The following SAMD5 variants were observed in gnomAD, a reference collection of about 807,000 sequenced individuals.
SAMD5 encodes the protein sterile alpha motif domain containing 5.
A neutral mutation model predicts 11.3 loss-of-function variants in SAMD5; 13 were observed. The ratio of observed to expected loss-of-function variants is 1.15; its 90% CI spans 0.75 to 1.83. The LOEUF is 1.83. SAMD5 is among the 40% of genes most tolerant of loss of function. The probability of loss-of-function intolerance (pLI) is 0.00; values close to 1 mark genes in which losing one functional copy is unlikely to be tolerated. For synonymous variants in SAMD5, 129 were observed against 111.3 expected, an observed-to-expected ratio of 1.16 and a Z score of -1.00; for missense variants, 255 against 239.1, an observed-to-expected ratio of 1.07 and a Z score of -0.44.
At chr6:147,572,711 A>C (rs888933473), downstream of SAMD5, among the ~76,000 whole-genome samples, 3 of 152,234 alleles carry the variant, frequency 2.0e-5, no homozygotes, top group African/African-American at 4.8e-5. Context: ...CTGCAATTAT[A>C]GCTAATCAAA....
At chr6:147,852,821 C>T in the SAMD5 span, among the ~76,000 whole-genome samples, 2 of 152,164 alleles carry the variant, frequency 1.3e-5, no homozygotes, top group South Asian at 2.1e-4. Flanking sequence ...TGGCTCTTTT[C>T]TGTTGCCTCT....
At chr6:147,776,834 C>T in the SAMD5 span, among the ~76,000 whole-genome samples, 1 of 152,194 alleles carries the variant, frequency 6.6e-6, no homozygotes, top group East Asian at 1.9e-4. Context: ...AGGTAATGGT[C>T]TCTCCCAGCG....
chr6:147,786,607 CA>C, the SAMD5 span, among the ~76,000 whole-genome samples: 1 of 152,178 alleles, frequency 6.6e-6, no homozygotes, highest in African/African-American at 2.4e-5. Flanking sequence ...ACTTAAAGGA[CA>C]GGGGCTGATG....
chr6:147,695,088 C>T (rs553611425), intron 1 of SAMD5, among the ~76,000 whole-genome samples: 3 of 152,290 alleles, frequency 2.0e-5, no homozygotes, highest in Admixed American at 2.0e-4. Context: ...GGTATTTTCT[C>T]TCCTTCAGGT....
chr6:147,802,942 T>C, the SAMD5 span, among the ~76,000 whole-genome samples: 5 of 152,258 alleles, frequency 3.3e-5, no homozygotes, highest in Non-Finnish European at 7.3e-5. Flanking sequence ...GGGGTGTTTA[T>C]GTGTTGACTG....
the SAMD5 span, among the ~76,000 whole-genome samples, chr6:147,762,242 G>A: frequency 3.6e-3 from 541 of 152,214 alleles, 2 homozygotes; most frequent in Non-Finnish European, 5.1e-3. Flanking sequence ...GTCTCACTCT[G>A]TCACCCAAGC....
intron 1 of SAMD5, among the ~76,000 whole-genome samples, chr6:147,725,613 T>C (rs1216257140): frequency 6.6e-6 from 1 of 152,222 alleles, no homozygotes; most frequent in African/African-American, 2.4e-5. Context: ...GGTCTCGAAC[T>C]CCTGACCTCA....
At chr6:147,866,840 A>C in the SAMD5 span, among the ~76,000 whole-genome samples, 1 of 152,214 alleles carries the variant, frequency 6.6e-6, no homozygotes, top group Non-Finnish European at 1.5e-5. Context: ...AGAGAAGGGC[A>C]CAGTAGCATT....
At chr6:147,660,531 T>G (rs1271538348) in intron 1 of SAMD5, among the ~76,000 whole-genome samples, 6 of 152,210 alleles carry the variant, frequency 3.9e-5, no homozygotes, top group African/African-American at 1.4e-4. Context: ...TGGCTCTGTG[T>G]CCCTGCCAAA....
the SAMD5 span, among the ~76,000 whole-genome samples, chr6:147,881,915 A>T: frequency 1.3e-5 from 2 of 152,198 alleles, 1 homozygote; most frequent in South Asian, 4.1e-4. Flanking sequence ...GGCATTTTGC[A>T]GAGTGGCTCT....
At chr6:147,588,505 T>C (rs1192668228) in intron 1 of SAMD5, among the ~76,000 whole-genome samples, 1 of 151,770 alleles carries the variant, frequency 6.6e-6, no homozygotes, top group Non-Finnish European at 1.5e-5. Flanking sequence ...TTTGCATTTT[T>C]AGTAGAGACA....
downstream of SAMD5, among the ~76,000 whole-genome samples, chr6:147,571,578 C>T (rs1789139533): frequency 6.6e-6 from 1 of 150,380 alleles, no homozygotes; most frequent in Admixed American, 6.7e-5. Flanking sequence ...TTTTAAAGTA[C>T]ATTCATGTAC....
chr6:147,533,137 T>G (rs1030196529), intron 1 of SAMD5, among the ~76,000 whole-genome samples: 1 of 151,992 alleles, frequency 6.6e-6, no homozygotes, highest in African/African-American at 2.4e-5. Flanking sequence ...AGACCCAACA[T>G]AGGGGCCCAG....
At chr6:147,878,402 TA>T in the SAMD5 span, among the ~76,000 whole-genome samples, 2 of 151,778 alleles carry the variant, frequency 1.3e-5, no homozygotes, top group Admixed American at 6.6e-5. Context: ...TATCATGGCC[TA>T]ATCACCTCCC....
Position 147,521,123 on chromosome 6 carries a change from A to G in SAMD5, c.459+11736A>G, listed in dbSNP as rs368104896. The stretch of plus-strand genomic sequence containing the variant: ...ATTGGCATGAAATCTTACCCATGTT[A>G]CTACTAATTATTATTTTTTTATTAT... On this transcript the variant is annotated intron_variant, in intron 1 of 1. Coordinates refer to ENST00000367474, the MANE Select transcript of SAMD5 (RefSeq NM_001030060.3). Among the ~76,000 whole-genome samples, 126 of 151,166 alleles carry G rather than the reference A, an allele frequency of 8.3e-4. 1 individual carries two copies. Among genetic ancestry groups the G allele is most frequent in the African/African-American group, 2.9e-3 (121 of 41,070 alleles).
the SAMD5 span, among the ~76,000 whole-genome samples, chr6:147,862,455 A>G: frequency 7.9e-5 from 12 of 152,150 alleles, no homozygotes; most frequent in Admixed American, 5.2e-4. Context: ...CTGCGTGCCT[A>G]CTACCAAGAT....
chr6:147,605,958 C>A (rs1789693680), intron 1 of SAMD5, among the ~76,000 whole-genome samples: 1 of 151,904 alleles, frequency 6.6e-6, no homozygotes, highest in South Asian at 2.1e-4. Flanking sequence ...GCAGGGTTGG[C>A]ACACAAGATA....
At chr6:147,685,777 T>C (rs1009613298) in intron 1 of SAMD5, among the ~76,000 whole-genome samples, 1 of 152,194 alleles carries the variant, frequency 6.6e-6, no homozygotes, top group Non-Finnish European at 1.5e-5. Context: ...TGTGGGTTTA[T>C]CACTGGGATA....
intron 1 of SAMD5, among the ~76,000 whole-genome samples, chr6:147,596,004 G>A (rs977407328): frequency 3.3e-5 from 5 of 152,122 alleles, no homozygotes; most frequent in African/African-American, 1.2e-4. Flanking sequence ...GTGCTAGCCA[G>A]GGATATCAAT....
Sources: allele counts gnomAD v4.1 joint callset (sites outside exome capture counted in the v4.1 genomes callset), GRCh38; gene constraint gnomAD v4.1.1; transcripts MANE v1.5; gene names NCBI Gene and HGNC (gene_info 2026-07-23, HGNC 2026-07-21).